The following FAM162A variants were observed in gnomAD, a reference collection of about 807,000 sequenced individuals.
The protein encoded by FAM162A is protein FAM162A.
FAM162A carries 23 observed loss-of-function variants against 21.8 expected under a neutral mutation model. The ratio of observed to expected loss-of-function variants is 1.05; its 90% CI spans 0.76 to 1.49. The LOEUF is 1.49. FAM162A is among the 40% of genes most tolerant of loss of function. The pLI, the probability that FAM162A is intolerant of heterozygous loss-of-function variation, is 0.00. For missense variants in FAM162A, 165 were observed against 186.4 expected, an observed-to-expected ratio of 0.89 and a Z score of 0.67; for synonymous variants, 53 against 61.3, an observed-to-expected ratio of 0.86 and a Z score of 0.64.
At chr3:122,386,966 C>G (rs1032120181) in intron 1 of FAM162A, among the ~76,000 whole-genome samples, 2 of 152,174 alleles carry the variant, frequency 1.3e-5, no homozygotes, top group South Asian at 4.1e-4. Context: ...AGCACTGATA[C>G]AGATGATTAG....
intron 1 of FAM162A, among the ~76,000 whole-genome samples, chr3:122,390,661 G>C (rs942498385): frequency 1.3e-5 from 2 of 152,204 alleles, no homozygotes; most frequent in Admixed American, 6.5e-5. Flanking sequence ...CTGGTTTTCA[G>C]ATTATGGGTC....
intron 3 of FAM162A, among the ~76,000 whole-genome samples, chr3:122,404,881 A>T (rs577709456): frequency 1.2e-4 from 19 of 152,100 alleles, no homozygotes; most frequent in Non-Finnish European, 2.6e-4. Flanking sequence ...GGTTCCTCCA[A>T]CCCAGTTTCT....
In FAM162A at chr3:122,407,442, AG is replaced by A. The variant is rs772098898; in HGVS notation, c.372+54del. On this transcript the variant is annotated intron_variant, in intron 4 of 4. Coordinates refer to ENST00000477892, the MANE Select transcript of FAM162A (RefSeq NM_014367.4). ...TATGTATGTTCTCCACCAAGAACCT[AG>A]AGTAAATCAGGGATTGACCCTTGTA... The A allele has an allele frequency of 5.1e-6, 7 of 1,379,156 alleles. No homozygotes were observed. The African/African-American group carries it at 8.5e-5, about 17-fold the overall frequency. 85.4% of individuals were successfully genotyped at this position (1,379,156 alleles called of 1,614,324 possible). A position where few individuals can be genotyped will look rare whatever the true frequency, so the allele number is the denominator to read the frequency against.
chr3:122,400,114 G>A (rs905197270), intron 1 of FAM162A, among the ~76,000 whole-genome samples: 1 of 152,186 alleles, frequency 6.6e-6, no homozygotes, highest in Non-Finnish European at 1.5e-5. Context: ...CAAAGGCTTG[G>A]AACCAACCCA....
chr3:122,389,381 G>GGATGGATA (rs2075588837), intron 1 of FAM162A, among the ~76,000 whole-genome samples: 1 of 145,344 alleles, frequency 6.9e-6, no homozygotes, highest in South Asian at 2.3e-4. Context: ...TAGTATAGAT[G>GGATGGATA]GATAGATAGA....
intron 1 of FAM162A, among the ~76,000 whole-genome samples, chr3:122,386,857 T>A (rs1432972222): frequency 1.3e-5 from 2 of 152,214 alleles, no homozygotes; most frequent in African/African-American, 2.4e-5. Flanking sequence ...AGAGGTCCTG[T>A]GAACTTCTCA....
intron 1 of FAM162A, 66 bp from the exon 2 acceptor site, chr3:122,402,691 TTTC>T: frequency 2.8e-6 from 4 of 1,410,040 alleles, no homozygotes; most frequent in Non-Finnish European, 2.8e-6. Flanking sequence ...CTTGCGGGTA[TTTC>T]TTATTTTGAG....
chr3:122,398,461 G>A (rs2075639266), intron 1 of FAM162A, among the ~76,000 whole-genome samples: 1 of 152,132 alleles, frequency 6.6e-6, no homozygotes, highest in Non-Finnish European at 1.5e-5. Context: ...TGACATTCTT[G>A]CTAAAAGATC....
chr3:122,397,539 C>G (rs1252871025), intron 1 of FAM162A, among the ~76,000 whole-genome samples: 1 of 152,152 alleles, frequency 6.6e-6, no homozygotes, highest in African/African-American at 2.4e-5. Flanking sequence ...TTCCAGCTTT[C>G]ATTTCTGTTC....
chr3:122,399,188 G>A (rs989565166), intron 1 of FAM162A, among the ~76,000 whole-genome samples: 1 of 152,014 alleles, frequency 6.6e-6, no homozygotes, highest in Non-Finnish European at 1.5e-5. Flanking sequence ...GCAGTATTTG[G>A]TTTTCTGTTC....
chr3:122,384,202 T>A lies in FAM162A; in HGVS notation c.-64T>A, dbSNP rs769948935. The A allele has an allele frequency of 4.8e-5, 74 of 1,546,506 alleles. 1 individual carries two copies. In the East Asian group the frequency reaches 1.7e-3, roughly 36 times the overall value. ...TTCCCACTCCAACGCTGGGTGACAT[T>A]GAGCTCACCAGCGCCACCGTCCCCG... On this transcript the variant is annotated 5_prime_UTR_variant, in exon 1 of 5. Transcript: ENST00000477892.
chr3:122,408,203 A>C (rs1031479744), intron 4 of FAM162A, among the ~76,000 whole-genome samples: 2 of 152,202 alleles, frequency 1.3e-5, no homozygotes, highest in Admixed American at 6.5e-5. Flanking sequence ...TAAGAGGTAA[A>C]TAGTTTTCCC....
intron 2 of FAM162A, 145 bp downstream of exon 2, chr3:122,403,027 G>A: frequency 1.1e-6 from 1 of 936,770 alleles, no homozygotes; most frequent in East Asian, 2.7e-5. Flanking sequence ...TTGTGCATGT[G>A]CACATGACCA....
At chr3:122,407,105 C>G (rs566114954) in intron 3 of FAM162A, among the ~76,000 whole-genome samples, 176 bp from the exon 4 acceptor site, 1 of 152,074 alleles carries the variant, frequency 6.6e-6, no homozygotes, top group South Asian at 2.1e-4. Context: ...AAAAATGCCT[C>G]ATCCTCCCCA....
intron 1 of FAM162A, 48 bp from the exon 2 acceptor site, chr3:122,402,712 C>G (rs781338294): frequency 2.2e-6 from 3 of 1,335,988 alleles, no homozygotes; most frequent in Non-Finnish European, 3.0e-6. Flanking sequence ...GAGAAAACAT[C>G]ACATTTTCTT....
At chr3:122,391,448 AAT>A (rs1559999188) in intron 1 of FAM162A, among the ~76,000 whole-genome samples, 1 of 152,242 alleles carries the variant, frequency 6.6e-6, no homozygotes, top group African/African-American at 2.4e-5. Context: ...TCTTTAAAAA[AAT>A]ATATTTACAT....
chr3:122,387,988 A>G lies in FAM162A; in HGVS notation c.34+3689A>G, dbSNP rs376120250. On this transcript the variant is annotated intron_variant, in intron 1 of 4. Transcript: ENST00000477892. ...ACCTTAGGGATTTTGATCAGGAGGC[A>G]ATAGGAGGTAAAGTGTAGTGTTTGG... Among the ~76,000 whole-genome samples the G allele has an allele frequency of 5.9e-5, 9 of 152,318 alleles. 1 individual carries two copies. Among genetic ancestry groups the G allele is most frequent in the East Asian group, 1.9e-4 (1 of 5,182 alleles).
At chr3:122,385,988 G>A (rs1042588512) in intron 1 of FAM162A, among the ~76,000 whole-genome samples, 3 of 152,112 alleles carry the variant, frequency 2.0e-5, no homozygotes, top group Non-Finnish European at 2.9e-5. Context: ...ACTTGTCCAG[G>A]ATCTCTTTGC....
intron 3 of FAM162A, among the ~76,000 whole-genome samples, chr3:122,406,525 C>CT (rs1248080805): frequency 2.0e-5 from 3 of 152,128 alleles, no homozygotes; most frequent in African/African-American, 4.8e-5. Context: ...CAACCATCAA[C>CT]TTTTTTTTAA....
Sources: allele counts gnomAD v4.1 joint callset (sites outside exome capture counted in the v4.1 genomes callset), GRCh38; gene constraint gnomAD v4.1.1; transcripts MANE v1.5; gene names NCBI Gene and HGNC (gene_info 2026-07-23, HGNC 2026-07-21).